The following ANK2 variants were observed in gnomAD, a reference collection of about 807,000 sequenced individuals.
ANK2 encodes ankyrin-2.
A neutral mutation model predicts 360.5 loss-of-function variants in ANK2; 83 were observed. The ratio of observed to expected loss-of-function variants is 0.23; its 90% CI spans 0.19 to 0.28. The LOEUF (loss-of-function observed/expected upper bound fraction) is 0.28, where lower values mean the gene tolerates loss of function less well. ANK2 is among the 10% of genes least tolerant of loss of function. The pLI, the probability that ANK2 is intolerant of heterozygous loss-of-function variation, is 1.00. For missense variants in ANK2, 4,201 were observed against 4,795.7 expected (o/e 0.88, Z 3.66); for synonymous variants, 1,740 against 1,759.5 (o/e 0.99, Z 0.28).
chr4:112,733,046 G>A, the ANK2 span, among the ~76,000 whole-genome samples: 2 of 151,984 alleles, frequency 1.3e-5, no homozygotes, highest in African/African-American at 2.4e-5. Context: ...GTGAAACCCC[G>A]TCTACTAAAA....
rs1389326153 is a variant in ANK2, at chr4:113,343,087, A to T, written c.4193A>T (p.His1398Leu). The change falls in exon 34 of 46, where the codon CAT becomes CTT. Residue 1398 changes from histidine (H) to leucine (L), a missense_variant. Physicochemically the swap from His to Leu is moderately conservative, Grantham distance 99 (BLOSUM62 -3). Coordinates refer to ENST00000357077, the MANE Select transcript of ANK2 (RefSeq NM_001148.6). ...GTACCATTAACTAAAAGTGGCCAGC[A>T]TCATATATTCAGTTTTTTTGCCTTC... ...NLVPLTKSGQHHIFSFFAFKE... is the reference protein window; with the variant it reads ...NLVPLTKSGQLHIFSFFAFKE... The T allele has an allele frequency of 6.2e-7, 1 of 1,613,910 alleles. No individual in the cohort carries two copies.
chr4:112,890,663 G>T (rs1467144961), intron 1 of ANK2, among the ~76,000 whole-genome samples: 2 of 140,760 alleles, frequency 1.4e-5, no homozygotes, highest in African/African-American at 5.3e-5. Flanking sequence ...CGCCTCCCAG[G>T]TTCAAGCTAT....
intron 2 of ANK2, among the ~76,000 whole-genome samples, chr4:112,922,938 T>A (rs2091869088): frequency 6.6e-6 from 1 of 152,212 alleles, no homozygotes; most frequent in Admixed American, 6.5e-5. Flanking sequence ...GTTTTTACTG[T>A]GTCTTAAAAG....
chr4:113,360,916 A>T lies in ANK2; in HGVS notation c.10756+19A>T. ...TGGACAGGTAAAAAGAATGTGACCC[A>T]GGTTTTCAACAAAACCTGACATAGA... On this transcript the variant is annotated intron_variant, in intron 39 of 45. Coordinates refer to ENST00000357077, the MANE Select transcript of ANK2 (RefSeq NM_001148.6). 6.2e-7 allele frequency: 1 copy of T among 1,608,526 alleles called. No homozygotes were observed. Among genetic ancestry groups the T allele is most frequent in the Non-Finnish European group, 8.5e-7 (1 of 1,176,738 alleles).
Position 113,323,658 on chromosome 4 carries a change from A to G in ANK2, c.2900+5038A>G, listed in dbSNP as rs147414189. 329 of 1,105,654 alleles carry G rather than the reference A, an allele frequency of 3.0e-4. 2 individuals are homozygous for G. The African/African-American group carries it at 4.2e-3, about 14-fold the overall frequency. The allele number at this position is 1,105,654 out of a possible 1,614,324, so 68.5% of individuals were successfully genotyped here. A position where few individuals can be genotyped will look rare whatever the true frequency, so the allele number is the denominator to read the frequency against. ...TTGGATTTCCATTTGTTTTCAATGA[A>G]TAAGGTATTGGTGTATAAATAATAA... On this transcript the variant is annotated intron_variant, in intron 26 of 45. Coordinates refer to ENST00000357077, the MANE Select transcript of ANK2 (RefSeq NM_001148.6).
chr4:112,967,862 A>T (rs1399385183), intron 2 of ANK2, among the ~76,000 whole-genome samples: 1 of 152,212 alleles, frequency 6.6e-6, no homozygotes, highest in African/African-American at 2.4e-5. Context: ...TGAGTTGAAA[A>T]GACAAAAAGC....
intron 1 of ANK2, among the ~76,000 whole-genome samples, chr4:113,051,171 A>G (rs937343186): frequency 1.1e-4 from 16 of 152,208 alleles, no homozygotes; most frequent in African/African-American, 3.9e-4. Context: ...TAAAAAAAGA[A>G]AAAGAAAATA....
intron 1 of ANK2, among the ~76,000 whole-genome samples, chr4:112,876,147 C>A (rs1217718101): frequency 6.6e-6 from 1 of 151,956 alleles, no homozygotes; most frequent in East Asian, 1.9e-4. Flanking sequence ...GTTTTCAATG[C>A]TTTTATTCAG....
intron 24 of ANK2, among the ~76,000 whole-genome samples, chr4:113,314,060 AT>A (rs1256161358): frequency 1.3e-5 from 2 of 152,208 alleles, no homozygotes; most frequent in African/African-American, 4.8e-5. Context: ...GATAGAAAAA[AT>A]ATTCTGATGC....
At chr4:113,370,913 T>C (rs2096715405) in intron 43 of ANK2, among the ~76,000 whole-genome samples, 2 of 152,102 alleles carry the variant, frequency 1.3e-5, no homozygotes, top group South Asian at 4.1e-4. Context: ...GAATTTGCCT[T>C]TTAAATAACT....
At chr4:112,909,092 G>A (rs1175365510) in intron 2 of ANK2, among the ~76,000 whole-genome samples, 1 of 152,186 alleles carries the variant, frequency 6.6e-6, no homozygotes, top group Non-Finnish European at 1.5e-5. Context: ...TTAGATACTG[G>A]GGAATAGAAT....
intron 2 of ANK2, among the ~76,000 whole-genome samples, chr4:112,973,324 G>A (rs1363065637): frequency 1.3e-5 from 2 of 152,148 alleles, no homozygotes; most frequent in Admixed American, 6.5e-5. Context: ...AAATAGGCGT[G>A]GCAGAGCATT....
chr4:113,291,535 T>C (rs181528614), intron 20 of ANK2, among the ~76,000 whole-genome samples: 172 of 152,290 alleles, frequency 1.1e-3, no homozygotes, highest in African/African-American at 3.9e-3. Context: ...TATAAAGAAA[T>C]CATGTAGCAC....
chr4:112,999,858 T>C (rs1162620768), intron 2 of ANK2, among the ~76,000 whole-genome samples: 4 of 152,154 alleles, frequency 2.6e-5, no homozygotes, highest in Non-Finnish European at 5.9e-5. Context: ...TGATTGAACA[T>C]CAGAGAGTTA....
chr4:112,892,865 A>G (rs1335523056), intron 1 of ANK2, among the ~76,000 whole-genome samples: 3 of 152,226 alleles, frequency 2.0e-5, no homozygotes, highest in African/African-American at 7.2e-5. Flanking sequence ...AAACCAATCG[A>G]ACTCCAAGTA....
At position 112,898,421 on chromosome 4, in the gene ANK2, C is replaced by T. The variant is rs2082339862; in HGVS notation, c.-39-6034C>T. Among the ~76,000 whole-genome samples the T allele has an allele frequency of 2.0e-5, 3 of 151,910 alleles. No homozygotes were observed. The South Asian group carries it at 6.2e-4, about 32-fold the overall frequency. ...ACTGGTTAAGTATATTGTGGGATAT[C>T]CCTTTATTGAAATGTGTCTGATGAT... On this transcript the variant is annotated intron_variant, in intron 1 of 30. Coordinates refer to the ANK2 transcript ENST00000503271.
At position 113,358,533 on chromosome 4, in the gene ANK2, T is replaced by C; in HGVS notation, c.9915T>C (p.Pro3305=). The stretch of plus-strand genomic sequence containing the variant: ...TTACTGAAAGCAAATCCAAAATTCC[T>C]GTAAGGACTATGCCCACTTCCACCC... ...VPFTESKSKI[P]VRTMPTSTPA... Residue 3305 remains proline, a synonymous_variant, in exon 38 of 46, where the codon CCT becomes CCC. Coordinates refer to ENST00000357077, the MANE Select transcript of ANK2 (RefSeq NM_001148.6). 2 of 1,614,094 alleles carry C rather than the reference T, an allele frequency of 1.2e-6. No homozygotes were observed. Among genetic ancestry groups the C allele is most frequent in the Non-Finnish European group, 8.5e-7 (1 of 1,179,954 alleles).
chr4:112,859,751 G>A (rs2067401347), intron 1 of ANK2, among the ~76,000 whole-genome samples: 1 of 152,182 alleles, frequency 6.6e-6, no homozygotes, highest in Non-Finnish European at 1.5e-5. Context: ...TCTGTCTAGG[G>A]CCCCCTCTCA....
intron 2 of ANK2, among the ~76,000 whole-genome samples, chr4:112,930,465 AAAG>A (rs2154235880): frequency 6.6e-6 from 1 of 151,706 alleles, no homozygotes; most frequent in East Asian, 2.0e-4. Flanking sequence ...AAAAAAAAGA[AAAG>A]AAAATGTTCA....
Sources: allele counts gnomAD v4.1 joint callset (sites outside exome capture counted in the v4.1 genomes callset), GRCh38; gene constraint gnomAD v4.1.1; transcripts MANE v1.5; gene names NCBI Gene and HGNC (gene_info 2026-07-23, HGNC 2026-07-21).